The following WNK1 variants were observed in gnomAD, a reference collection of about 807,000 sequenced individuals.
WNK1 encodes the protein WNK lysine deficient protein kinase 1.
WNK1 carries 38 observed loss-of-function variants against 222.8 expected under a neutral mutation model. That is an observed-to-expected ratio of 0.17 (90% CI 0.13 to 0.22). The LOEUF (loss-of-function observed/expected upper bound fraction) is 0.22. Among genes scored for constraint, WNK1 ranks in the 10% least tolerant of loss-of-function variants. WNK1 has a pLI of 1.00. For synonymous variants in WNK1, 1,090 were observed against 1,092.9 expected (o/e 1.00, Z 0.05); for missense variants, 2,348 against 2,918.4 (o/e 0.80, Z 4.50).
chr12:897,555 G>A lies in WNK1; in HGVS notation c.6322G>A (p.Val2108Met), dbSNP rs1437946999. 3.1e-6 allele frequency: 5 copies of A among 1,613,792 alleles called. No individual in the cohort carries two copies. The African/African-American group carries it at 6.7e-5, about 22-fold the overall frequency. ...ATCTTTGTATACCAAACTGGGCAAG[G>A]TGCCCCCTGCTGTTATTATTCCCCC... ...IESLYTKLGK[V>M]PPAVIIPPAA... Residue 2108 changes from valine (V) to methionine (M), a missense_variant, in exon 25 of 28, where the codon GTG (valine) becomes ATG (methionine). This residue lies in a region of WNK1 where 1,144 missense variants were observed against 1,273.6 expected (regional missense o/e 0.90). Coordinates refer to ENST00000315939, the MANE Select transcript of WNK1 (RefSeq NM_018979.4).
intron 1 of WNK1, among the ~76,000 whole-genome samples, chr12:799,400 G>C (rs929816762): frequency 6.6e-6 from 1 of 151,980 alleles, no homozygotes; most frequent in Non-Finnish European, 1.5e-5. Flanking sequence ...CAAAGTGCTG[G>C]GATTACAGGC....
chr12:868,802 C>T, intron 8 of WNK1: 3 of 1,614,016 alleles, frequency 1.9e-6, no homozygotes. Flanking sequence ...GCATAATTAC[C>T]ATGCCCCAGA....
chr12:766,323 AT>A (rs1941690633), intron 1 of WNK1, among the ~76,000 whole-genome samples: 1 of 152,182 alleles, frequency 6.6e-6, no homozygotes, highest in Admixed American at 6.5e-5. Flanking sequence ...TATTCTGGTA[AT>A]TTTAAATGAA....
At chr12:777,749 G>T (rs1374420866) in intron 1 of WNK1, among the ~76,000 whole-genome samples, 1 of 152,144 alleles carries the variant, frequency 6.6e-6, no homozygotes, top group Non-Finnish European at 1.5e-5. Context: ...TAGTTGCTCA[G>T]TGAAACACAT....
chr12:862,932 G>C (rs982127150), intron 8 of WNK1, among the ~76,000 whole-genome samples: 64 of 152,056 alleles, frequency 4.2e-4, no homozygotes, highest in African/African-American at 1.4e-3. Context: ...AACATTTTAT[G>C]CTTGTATACA....
intron 27 of WNK1, chr12:908,240 C>G (rs1955865110): frequency 2.5e-6 from 2 of 793,878 alleles, no homozygotes; most frequent in South Asian, 3.5e-5. Context: ...ACTTTTTCTT[C>G]TTCGTTTTTC....
At chr12:821,067 T>TTTTAAACAGATGG (rs56400510) in intron 2 of WNK1, among the ~76,000 whole-genome samples, 2 of 83,382 alleles carry the variant, frequency 2.4e-5, no homozygotes, top group African/African-American at 9.2e-5. Flanking sequence ...TTTTTTTTTT[T>TTTTAAACAGATGG]GGAAAGGTGT....
At chr12:897,717 C>T (rs764325891) in intron 25 of WNK1, 36 bp downstream of exon 25, 2 of 1,601,008 alleles carry the variant, frequency 1.2e-6, no homozygotes, top group African/African-American at 2.7e-5. Context: ...CACAGCTGTC[C>T]TATCTTTTGT....
chr12:903,579 A>T (rs750065191), intron 26 of WNK1, among the ~76,000 whole-genome samples: 1 of 152,156 alleles, frequency 6.6e-6, no homozygotes, highest in Non-Finnish European at 1.5e-5. Flanking sequence ...AAATTCCATA[A>T]ATTCTCATCC....
At chr12:817,408 T>A (rs1308776440) in intron 2 of WNK1, among the ~76,000 whole-genome samples, 1 of 152,112 alleles carries the variant, frequency 6.6e-6, no homozygotes, top group Admixed American at 6.5e-5. Flanking sequence ...TGATTGAGAA[T>A]GTATACAGAT....
intron 2 of WNK1, 71 bp from the exon 3 acceptor site, chr12:826,971 T>C (rs1948408330): frequency 7.9e-7 from 1 of 1,260,136 alleles, no homozygotes; most frequent in African/African-American, 1.5e-5. Context: ...CATGTTAGAA[T>C]TTAATGGAAT....
At chr12:776,555 C>T (rs946206133) in intron 1 of WNK1, among the ~76,000 whole-genome samples, 5 of 151,774 alleles carry the variant, frequency 3.3e-5, no homozygotes, top group African/African-American at 4.8e-5. Flanking sequence ...TTCAGCCTCC[C>T]GAGTAGCTGG....
At chr12:868,978 C>G (rs753230639) in intron 8 of WNK1, 1 of 1,598,010 alleles carries the variant, frequency 6.3e-7, no homozygotes, top group South Asian at 1.1e-5. Context: ...TCTCAATGCC[C>G]TTTATCCATC....
chr12:876,407 T>A (rs945432249), intron 9 of WNK1, among the ~76,000 whole-genome samples: 3 of 151,780 alleles, frequency 2.0e-5, no homozygotes, highest in African/African-American at 7.3e-5. Flanking sequence ...AGACTCCGTG[T>A]CAAAAAAAAA....
At chr12:796,165 C>G (rs1264894846) in intron 1 of WNK1, among the ~76,000 whole-genome samples, 1 of 152,162 alleles carries the variant, frequency 6.6e-6, no homozygotes, top group African/African-American at 2.4e-5. Context: ...TGAGCCACCA[C>G]TCCTGACCAT....
At chr12:878,694 C>G (rs184985477) in intron 10 of WNK1, among the ~76,000 whole-genome samples, 1 of 152,014 alleles carries the variant, frequency 6.6e-6, no homozygotes, top group Admixed American at 6.6e-5. Context: ...CTATGACATT[C>G]CCTAGAATTG....
At chr12:858,270 A>G (rs1950939717) in intron 5 of WNK1, among the ~76,000 whole-genome samples, 1 of 151,792 alleles carries the variant, frequency 6.6e-6, no homozygotes, top group African/African-American at 2.4e-5. Context: ...GCTTACTGCA[A>G]CCTCTGCCTT....
Position 767,401 on chromosome 12 carries a change from C to T in WNK1, c.759+13077C>T, listed in dbSNP as rs527829612. ...CTGAGTAGCTGGGATTACAGGCGCG[C>T]GCCACCATGCCTGGCTAATTTTTGT... On this transcript the variant is annotated intron_variant, in intron 1 of 27. Transcript: ENST00000315939. Among the ~76,000 whole-genome samples the T allele has an allele frequency of 2.1e-4, 32 of 151,476 alleles. No individual in the cohort carries two copies. In the East Asian group the frequency reaches 3.3e-3, roughly 16 times the overall value.
At chr12:791,744 A>T (rs1210933136) in intron 1 of WNK1, among the ~76,000 whole-genome samples, 1 of 152,200 alleles carries the variant, frequency 6.6e-6, no homozygotes, top group Admixed American at 6.5e-5. Flanking sequence ...AAAATATATG[A>T]CATTAATATA....
Sources: allele counts gnomAD v4.1 joint callset (sites outside exome capture counted in the v4.1 genomes callset), GRCh38; gene constraint gnomAD v4.1.1; regional missense constraint gnomAD v4.1.1; transcripts MANE v1.5; gene names NCBI Gene and HGNC (gene_info 2026-07-23, HGNC 2026-07-21).